Variants in PCNT observed in about 807,000 individuals in gnomAD.
PCNT encodes the protein kendrin.
A neutral mutation model predicts 380.4 loss-of-function variants in PCNT; 319 were observed. That is an observed-to-expected ratio of 0.84 (90% CI 0.77 to 0.92). PCNT has a LOEUF of 0.92. Among genes scored for constraint, PCNT ranks in the 40% least tolerant of loss-of-function variants. The pLI, the probability that PCNT is intolerant of heterozygous loss-of-function variation, is 0.00. For synonymous variants in PCNT, 1,845 were observed against 1,735.2 expected, an observed-to-expected ratio of 1.06 and a Z score of -1.57; for missense variants, 4,400 against 4,255.3, an observed-to-expected ratio of 1.03 and a Z score of -0.95.
rs1408407738 is a variant in PCNT at position 46,398,072 on chromosome 21, T to C, written c.4505T>C (p.Leu1502Pro). 6.3e-7 allele frequency: 1 copy of C among 1,596,724 alleles called. No individual in the cohort carries two copies. Residue 1502 changes from leucine to proline, a missense_variant, in exon 23 of 47, where the codon CTG becomes CCG. Transcript: ENST00000359568. ...GAGTTCCAGCAGGAGATTCAGAGGC[T>C]GGAGGGGCAGCTCCGCCAGGCGGCC... ...REEFQQEIQR[L>P]EGQLRQAAKP... is the part of the protein sequence containing the mutation.
intron 35 of PCNT, 121 bp downstream of exon 35, chr21:46,428,711 T>C (rs2087614779): frequency 1.1e-6 from 1 of 905,486 alleles, no homozygotes; most frequent in African/African-American, 1.6e-5. Flanking sequence ...AGCCCCTGAG[T>C]GTTGCCATGG....
intron 8 of PCNT, 100 bp downstream of exon 8, chr21:46,349,920 A>G (rs1238920832): frequency 8.4e-7 from 1 of 1,191,896 alleles, no homozygotes; most frequent in Admixed American, 1.8e-5. Flanking sequence ...GCTAAAACTT[A>G]AGTTCTAAAT....
chr21:46,375,760 C>T (rs1284838219), intron 15 of PCNT, among the ~76,000 whole-genome samples: 1 of 152,262 alleles, frequency 6.6e-6, no homozygotes, highest in East Asian at 1.9e-4. Flanking sequence ...TGCCCGACGT[C>T]TCCTGGGGGC....
chr21:46,412,107 T>TTA, intron 28 of PCNT, 40 bp downstream of exon 28: 1 of 1,590,488 alleles, frequency 6.3e-7, no homozygotes, highest in Non-Finnish European at 8.5e-7. Context: ...TATTTTTTTT[T>TTA]ACTCTCCTTT....
chr21:46,397,678 C>T (rs923502104), intron 22 of PCNT, among the ~76,000 whole-genome samples, 184 bp downstream of exon 22: 2 of 152,168 alleles, frequency 1.3e-5, no homozygotes, highest in Non-Finnish European at 2.9e-5. Flanking sequence ...CATGTTGTGG[C>T]GCAGCCCTCT....
At chr21:46,346,493 G>A (rs763788713) in intron 4 of PCNT, among the ~76,000 whole-genome samples, 6 of 152,196 alleles carry the variant, frequency 3.9e-5, no homozygotes, top group Non-Finnish European at 7.3e-5. Context: ...TACACACAGT[G>A]CCGTCATACA....
rs771899031 is a variant in PCNT at position 46,445,609 on chromosome 21, C to T, written c.*282C>T. On this transcript the variant is annotated 3_prime_UTR_variant, in exon 47 of 47. Transcript: ENST00000359568. ...TGGCTGTGTGCTGTTGTGTGCCTATCGGCAGATCCATCCTTCCTGCCTCCA... is the reference window on the plus strand; with the variant it reads ...TGGCTGTGTGCTGTTGTGTGCCTATTGGCAGATCCATCCTTCCTGCCTCCA... The T allele has an allele frequency of 1.9e-5, 9 of 467,578 alleles. No homozygotes were observed. Among genetic ancestry groups the T allele is most frequent in the Admixed American group, 3.8e-5 (1 of 26,064 alleles). The allele number at this position is 467,578 out of a possible 1,614,324, so 29.0% of individuals were successfully genotyped here.
At chr21:46,364,273 C>T (rs966027907) in intron 14 of PCNT, among the ~76,000 whole-genome samples, 22 of 151,582 alleles carry the variant, frequency 1.5e-4, no homozygotes, top group African/African-American at 4.9e-5. Context: ...GTTGCTGTCC[C>T]GAAGCCCCCA....
At chr21:46,343,664 C>G (rs2083977027) in intron 3 of PCNT, among the ~76,000 whole-genome samples, 1 of 152,152 alleles carries the variant, frequency 6.6e-6, no homozygotes, top group Admixed American at 6.5e-5. Flanking sequence ...CTTTCTTTCT[C>G]TATCTTTTGG....
At chr21:46,427,584 A>C in intron 33 of PCNT, 38 bp from the exon 34 acceptor site, 1 of 1,613,282 alleles carries the variant, frequency 6.2e-7, no homozygotes, top group Non-Finnish European at 8.5e-7. Context: ...ATGCAGGTGC[A>C]TTTGTGAGGA....
chr21:46,391,662 C>T (rs963754595), intron 21 of PCNT, among the ~76,000 whole-genome samples: 4 of 152,210 alleles, frequency 2.6e-5, no homozygotes, highest in African/African-American at 9.6e-5. Context: ...CCAACAGCAG[C>T]AGCTGGAGGC....
At chr21:46,371,881 C>T (rs530775348) in intron 15 of PCNT, among the ~76,000 whole-genome samples, 2 of 147,264 alleles carry the variant, frequency 1.4e-5, no homozygotes, top group South Asian at 2.1e-4. Context: ...ACACACAGCA[C>T]ATGCACACAC....
At chr21:46,440,701 G>A (rs1291907986) in intron 42 of PCNT, among the ~76,000 whole-genome samples, 154 bp from the exon 43 acceptor site, 2 of 141,906 alleles carry the variant, frequency 1.4e-5, no homozygotes, top group South Asian at 4.8e-4. Context: ...GTTGTTTCTG[G>A]CCACAGATAC....
chr21:46,354,143 G>A, intron 11 of PCNT, 75 bp downstream of exon 11: 1 of 1,308,178 alleles, frequency 7.6e-7, no homozygotes, highest in Non-Finnish European at 1.1e-6. Flanking sequence ...CCACATTATA[G>A]AGCCTGTGTT....
At chr21:46,375,081 T>A (rs923626367) in intron 15 of PCNT, among the ~76,000 whole-genome samples, 2 of 151,946 alleles carry the variant, frequency 1.3e-5, no homozygotes, top group African/African-American at 4.8e-5. Context: ...CCCTTGAGAG[T>A]TTGGTTGTGA....
Position 46,355,343 on chromosome 21 carries a change from T to C in PCNT, c.1762-109T>C, listed in dbSNP as rs950666162. On this transcript the variant is annotated intron_variant, in intron 11 of 46. Coordinates refer to ENST00000359568, the MANE Select transcript of PCNT (RefSeq NM_006031.6). ...GCAGCGTGTGGTCTCATGAACCTAG[T>C]GAGGTTTGAGTTTTCTTTGTGCATA... 6 of 1,163,262 alleles carry C rather than the reference T, an allele frequency of 5.2e-6. No individual in the cohort carries two copies. The African/African-American group carries it at 6.0e-5, about 12-fold the overall frequency. The allele number at this position is 1,163,262 out of a possible 1,614,324, so 72.1% of individuals were successfully genotyped here.
At chr21:46,419,872 C>G (rs536035837) in intron 31 of PCNT, among the ~76,000 whole-genome samples, 50 of 152,362 alleles carry the variant, frequency 3.3e-4, no homozygotes, top group African/African-American at 1.2e-3. Context: ...TCCCAAAGTG[C>G]TGGGATTACA....
At chr21:46,324,809 C>T (rs367709428) in intron 1 of PCNT, 7 of 893,014 alleles carry the variant, frequency 7.8e-6, no homozygotes, top group Admixed American at 1.2e-4. Context: ...GGGGGCGTGG[C>T]GCGGGTGGCC....
In PCNT at chr21:46,349,030, G is replaced by GA; in HGVS notation, c.1053dup (p.Ser352IlefsTer2). On this transcript the variant is annotated frameshift_variant, in exon 7 of 47. Transcript: ENST00000359568. LOFTEE classifies it high-confidence loss of function. The stretch of plus-strand genomic sequence containing the variant: ...AAATTAGACCCTGAAGGAAGATTGG[G>GA]AATCTGAAAAAGATTTATGTTTAGA... 6.3e-7 allele frequency: 1 copy of GA among 1,594,670 alleles called. No homozygotes were observed. Among genetic ancestry groups the GA allele is most frequent in the Non-Finnish European group, 8.6e-7 (1 of 1,162,616 alleles).
Sources: allele counts gnomAD v4.1 joint callset (sites outside exome capture counted in the v4.1 genomes callset), GRCh38; gene constraint gnomAD v4.1.1; transcripts MANE v1.5; gene names NCBI Gene and HGNC (gene_info 2026-07-23, HGNC 2026-07-21).